EMCN: variants seen among roughly 807,000 people sequenced by gnomAD.
EMCN encodes the protein MUC-14.
A neutral mutation model predicts 38.4 loss-of-function variants in EMCN; 37 were observed. That is an observed-to-expected ratio of 0.96 (90% CI 0.74 to 1.27). The LOEUF (loss-of-function observed/expected upper bound fraction) is 1.27. Among genes scored for constraint, EMCN ranks in the 50% most tolerant of loss-of-function variants. The pLI is 0.00. For synonymous variants in EMCN, 95 were observed against 100.8 expected, an observed-to-expected ratio of 0.94 and a Z score of 0.35; for missense variants, 318 against 302.8, an observed-to-expected ratio of 1.05 and a Z score of -0.37.
At chr4:100,497,153 A>T (rs1344364500) in intron 1 of EMCN, among the ~76,000 whole-genome samples, 1 of 151,820 alleles carries the variant, frequency 6.6e-6, no homozygotes, top group Non-Finnish European at 1.5e-5. Context: ...TCCCTATGAC[A>T]AGAAAAAATT....
intron 10 of EMCN, among the ~76,000 whole-genome samples, chr4:100,414,348 C>CTTTTTTTTTTTT (rs5860622): frequency 1.7e-5 from 1 of 59,810 alleles, no homozygotes. Context: ...TGCTTGAGCA[C>CTTTTTTTTTTTT]TTTTTTTTTT....
At chr4:100,456,540 G>A (rs1728022303) in intron 4 of EMCN, among the ~76,000 whole-genome samples, 1 of 151,968 alleles carries the variant, frequency 6.6e-6, no homozygotes, top group Non-Finnish European at 1.5e-5. Flanking sequence ...CTATCATTCA[G>A]TTCAAACTAT....
chr4:100,497,496 C>A (rs989471305), intron 1 of EMCN, among the ~76,000 whole-genome samples: 6 of 152,058 alleles, frequency 3.9e-5, no homozygotes, highest in African/African-American at 1.4e-4. Flanking sequence ...CCTGCTTCAG[C>A]CTCCTGAGTA....
At chr4:100,415,540 C>T (rs938826000) in intron 10 of EMCN, among the ~76,000 whole-genome samples, 11 of 152,026 alleles carry the variant, frequency 7.2e-5, no homozygotes, top group African/African-American at 2.4e-4. Flanking sequence ...GCCTTTTTGA[C>T]CATATGCGAC....
intron 9 of EMCN, 113 bp from the exon 10 acceptor site, chr4:100,416,072 A>T: frequency 1.8e-6 from 1 of 553,778 alleles, no homozygotes; most frequent in South Asian, 2.5e-5. Flanking sequence ...TATATATATA[A>T]TGTGTGTGTA....
chr4:100,459,154 C>T (rs1728098825), intron 4 of EMCN, among the ~76,000 whole-genome samples: 1 of 140,126 alleles, frequency 7.1e-6, no homozygotes, highest in Non-Finnish European at 1.5e-5. Flanking sequence ...TAGCTGGAGC[C>T]ATTGCCCTCA....
intron 4 of EMCN, among the ~76,000 whole-genome samples, chr4:100,458,688 A>G (rs1728084971): frequency 6.6e-6 from 1 of 152,208 alleles, no homozygotes; most frequent in Non-Finnish European, 1.5e-5. Context: ...GCCTTAAAAC[A>G]GCCTGTATTC....
At chr4:100,499,389 C>T (rs1729291631) in intron 1 of EMCN, among the ~76,000 whole-genome samples, 1 of 152,168 alleles carries the variant, frequency 6.6e-6, no homozygotes, top group Non-Finnish European at 1.5e-5. Context: ...AGATGTGTTA[C>T]CACATTGAAA....
intron 4 of EMCN, among the ~76,000 whole-genome samples, chr4:100,453,652 C>T (rs1171235638): frequency 2.0e-5 from 3 of 152,008 alleles, no homozygotes; most frequent in Non-Finnish European, 4.4e-5. Flanking sequence ...TACCATTTGA[C>T]CCAGCCATCC....
chr4:100,511,772 TA>T (rs1176201995), intron 1 of EMCN, among the ~76,000 whole-genome samples: 3 of 151,290 alleles, frequency 2.0e-5, no homozygotes, highest in Admixed American at 6.6e-5. Context: ...TCAAGAAAAA[TA>T]ATAAATCCTG....
intron 4 of EMCN, among the ~76,000 whole-genome samples, chr4:100,464,756 AT>A (rs1254097484): frequency 6.6e-6 from 1 of 151,626 alleles, no homozygotes; most frequent in Non-Finnish European, 1.5e-5. Context: ...CTTGTTACTG[AT>A]TTTTTTGCAA....
At chr4:100,517,323 A>G (rs1729784365) in intron 1 of EMCN, among the ~76,000 whole-genome samples, 2 of 152,236 alleles carry the variant, frequency 1.3e-5, no homozygotes, top group South Asian at 4.1e-4. Context: ...CTGTAATCAA[A>G]TGAATCTCTC....
At chr4:100,496,343 C>T (rs1237728537) in intron 1 of EMCN, among the ~76,000 whole-genome samples, 1 of 152,116 alleles carries the variant, frequency 6.6e-6, no homozygotes, top group African/African-American at 2.4e-5. Context: ...ATTTTAGCAG[C>T]CTTCTAGGGA....
At chr4:100,493,252 A>G (rs192330730) in intron 1 of EMCN, among the ~76,000 whole-genome samples, 6 of 152,284 alleles carry the variant, frequency 3.9e-5, no homozygotes, top group Non-Finnish European at 5.9e-5. Flanking sequence ...AATTTTGTCA[A>G]CTTTGATGAC....
chr4:100,500,401 T>A (rs1375403913), intron 1 of EMCN, among the ~76,000 whole-genome samples: 2 of 152,036 alleles, frequency 1.3e-5, no homozygotes, highest in Non-Finnish European at 2.9e-5. Flanking sequence ...AATGTAAACA[T>A]AATGAATAAA....
chr4:100,506,391 A>G (rs1729480510), intron 1 of EMCN, among the ~76,000 whole-genome samples: 1 of 152,140 alleles, frequency 6.6e-6, no homozygotes, highest in African/African-American at 2.4e-5. Context: ...TACAGCTACT[A>G]TGAAATAGGT....
At chr4:100,505,544 A>G (rs1370342150) in intron 1 of EMCN, among the ~76,000 whole-genome samples, 2 of 152,188 alleles carry the variant, frequency 1.3e-5, no homozygotes, top group Non-Finnish European at 2.9e-5. Context: ...AGGGGTAACC[A>G]GTGAACTCCC....
At chr4:100,453,853 T>C (rs1727921926) in intron 4 of EMCN, among the ~76,000 whole-genome samples, 1 of 152,020 alleles carries the variant, frequency 6.6e-6, no homozygotes, top group Non-Finnish European at 1.5e-5. Flanking sequence ...TAAAAAATGA[T>C]GAGTTCATGT....
chr4:100,444,448 C>T (rs562027894), intron 5 of EMCN, among the ~76,000 whole-genome samples: 1 of 152,158 alleles, frequency 6.6e-6, no homozygotes, highest in South Asian at 2.1e-4. Context: ...AGTCTGTGAT[C>T]CTGGATGGTG....
Sources: gnomAD v4.1 joint callset for allele counts (sites outside exome capture counted in the v4.1 genomes callset) on GRCh38, gnomAD v4.1.1 for gene constraint, MANE v1.5 for transcripts, NCBI Gene and HGNC (gene_info 2026-07-23, HGNC 2026-07-21) for gene names.